The following ATP2A3 variants were observed in gnomAD, a reference collection of about 807,000 sequenced individuals.
The protein encoded by ATP2A3 is ATPase sarcoplasmic/endoplasmic reticulum Ca2+ transporting 3, also known as sarcoplasmic/endoplasmic reticulum calcium ATPase 3.
Under a neutral mutation model 106.8 loss-of-function variants are expected in ATP2A3, and 61 were observed. That is an observed-to-expected ratio of 0.57 (90% CI 0.46 to 0.71). The LOEUF is 0.71. Among genes scored for constraint, ATP2A3 ranks in the 30% least tolerant of loss-of-function variants. ATP2A3 has a pLI of 0.00. For missense variants in ATP2A3, 1,201 were observed against 1,423.5 expected, an observed-to-expected ratio of 0.84 and a Z score of 2.52; for synonymous variants, 611 against 609.3, an observed-to-expected ratio of 1.00 and a Z score of -0.04.
At position 3,953,675 on chromosome 17, in the gene ATP2A3, T is replaced by C. The variant is rs534520690; in HGVS notation, c.136+18A>G. 2 of 1,562,020 alleles carry C rather than the reference T, an allele frequency of 1.3e-6. No individual in the cohort carries two copies. The highest frequency in any genetic ancestry group is 2.7e-5 in the African/African-American group (2 of 73,626). The stretch of plus-strand genomic sequence containing the variant: ...ATGCTGCCCGCGGCCTAGAGGTCCA[T>C]CCCGGTGCCAGCCTCACCTTCCTCA... On this transcript the variant is annotated intron_variant, in intron 2 of 20. Coordinates refer to ENST00000397041, the MANE Select transcript of ATP2A3 (RefSeq NM_005173.4). The surrounding 1 kb of genome is among the most constrained non-coding windows in gnomAD (Gnocchi z 5.1).
chr17:3,943,253 C>G, intron 11 of ATP2A3, 138 bp downstream of exon 11: 1 of 1,367,434 alleles, frequency 7.3e-7, no homozygotes, highest in Non-Finnish European at 1.0e-6. Context: ...GCCTGGGCGA[C>G]AGAATGAGAC....
intron 10 of ATP2A3, among the ~76,000 whole-genome samples, chr17:3,944,352 C>T (rs1444693758): frequency 2.0e-5 from 3 of 151,992 alleles, no homozygotes; most frequent in Admixed American, 2.0e-4. Context: ...CACGTGAATG[C>T]CTAAGTCGCA....
At position 3,940,031 on chromosome 17, in the gene ATP2A3, C is replaced by CTTTTTTTTTTTTTTTTTTT. The variant is rs1174008086; in HGVS notation, c.2100+939_2100+940insAAAAAAAAAAAAAAAAAAA. 1.7e-4 allele frequency among the ~76,000 whole-genome samples: 16 copies of CTTTTTTTTTTTTTTTTTTT among 96,544 alleles called. 2 individuals carry two copies. Among genetic ancestry groups the CTTTTTTTTTTTTTTTTTTT allele is most frequent in the African/African-American group, 6.2e-4 (13 of 21,124 alleles). The allele number at this position is 96,544 out of a possible 152,430, so 63.3% of individuals were successfully genotyped here. On this transcript the variant is annotated intron_variant, in intron 14 of 20. Transcript: ENST00000397041. ...ATGGGTTGATGGTAATGTGTCATAT[C>CTTTTTTTTTTTTTTTTTTT]TTTTTTTTTTTGTTTTTTGTTTTTT...
intron 14 of ATP2A3, among the ~76,000 whole-genome samples, chr17:3,939,448 G>A (rs1459334308): frequency 2.6e-5 from 4 of 152,022 alleles, no homozygotes; most frequent in Non-Finnish European, 1.5e-5. Context: ...AAAGAGGAAT[G>A]GTTCAATAAA....
In ATP2A3 at chr17:3,942,624, G is replaced by A; in HGVS notation, c.1527C>T (p.Gly509=). Residue 509 remains glycine, a synonymous_variant, in exon 12 of 21, where the codon GGC becomes GGT. Transcript: ENST00000397041. ...TPTRPHPTGQ[G]SKMFVKGAPE... ...CCCCCACCTTCACAAACATCTTGCT[G>A]CCCTGGCCAGTAGGGTGAGGGCGGG... 4 of 1,612,148 alleles carry A rather than the reference G, an allele frequency of 2.5e-6. No homozygotes were observed. Among genetic ancestry groups the A allele is most frequent in the Non-Finnish European group, 3.4e-6 (4 of 1,179,812 alleles).
intron 12 of ATP2A3, 97 bp downstream of exon 12, chr17:3,942,509 T>C: frequency 1.3e-6 from 2 of 1,513,586 alleles, no homozygotes; most frequent in Non-Finnish European, 1.8e-6. Flanking sequence ...AACCCAACCC[T>C]GCCATTCACA....
In ATP2A3 at chr17:3,941,355, T is replaced by C. The variant is rs558613297; in HGVS notation, c.1765-49A>G. 109 of 1,613,150 alleles carry C rather than the reference T, an allele frequency of 6.8e-5. 1 individual carries two copies. The highest frequency in any genetic ancestry group is 9.2e-5 in the Non-Finnish European group (109 of 1,179,458). On this transcript the variant is annotated intron_variant, in intron 13 of 20. Transcript: ENST00000397041. The stretch of plus-strand genomic sequence containing the variant: ...GCGGGGCCTGAGCCCATCCCTGACC[T>C]ACCACCTGCTCAGCTGCTGCAGGGA...
At chr17:3,937,673 C>T in intron 14 of ATP2A3, 37 bp from the exon 15 acceptor site, 1 of 1,599,074 alleles carries the variant, frequency 6.3e-7, no homozygotes, top group South Asian at 1.1e-5. Context: ...GCCTGAGAAA[C>T]TTCCCTTCCA....
chr17:3,954,071 C>T (rs981233051), intron 1 of ATP2A3, among the ~76,000 whole-genome samples: 3 of 152,072 alleles, frequency 2.0e-5, no homozygotes, highest in Non-Finnish European at 2.9e-5. Context: ...CCAGGTCACA[C>T]GGAGAGTGGG....
At position 3,928,860 on chromosome 17, in the gene ATP2A3, C is replaced by T. The variant is rs2052871664; in HGVS notation, c.2863-80G>A. 4.3e-6 allele frequency: 5 copies of T among 1,149,868 alleles called. No homozygotes were observed. The highest frequency in any genetic ancestry group is 2.0e-5 in the Admixed American group (1 of 49,576). The allele number at this position is 1,149,868 out of a possible 1,614,324, so 71.2% of individuals were successfully genotyped here. A position where few individuals can be genotyped will look rare whatever the true frequency, so the allele number is the denominator to read the frequency against. ...CCCAGCCATCTGCTGGCCTTATCCA[C>T]CTGGGCTCTGATGGACTCTTCATGA... On this transcript the variant is annotated intron_variant, in intron 19 of 20. Coordinates refer to ENST00000397041, the MANE Select transcript of ATP2A3 (RefSeq NM_005173.4). This position sits in a 1 kb window ranked among gnomAD's most constrained non-coding sequence, Gnocchi z 6.1.
At chr17:3,957,850 C>T (rs937401591) in intron 1 of ATP2A3, among the ~76,000 whole-genome samples, 3 of 152,218 alleles carry the variant, frequency 2.0e-5, no homozygotes, top group African/African-American at 7.2e-5. Context: ...CAGTGCCATC[C>T]GCTGGGCTGC....
chr17:3,946,321 G>T (rs1441324554), intron 8 of ATP2A3, among the ~76,000 whole-genome samples: 1 of 151,964 alleles, frequency 6.6e-6, no homozygotes, highest in Non-Finnish European at 1.5e-5. Context: ...GGAGGCCAAG[G>T]CGGGTGGATC....
In ATP2A3 at chr17:3,953,038, C is replaced by G. The variant is rs1350571366; in HGVS notation, c.219+309G>C. Among the ~76,000 whole-genome samples the G allele has an allele frequency of 1.3e-5, 2 of 152,188 alleles. No individual in the cohort carries two copies. Among genetic ancestry groups the G allele is most frequent in the African/African-American group, 4.8e-5 (2 of 41,442 alleles). On this transcript the variant is annotated intron_variant, in intron 3 of 20. Transcript: ENST00000397041. This position sits in a 1 kb window ranked among gnomAD's most constrained non-coding sequence, Gnocchi z 5.1. ...GATCTGGTCTAAACTATCAGTAGTG[C>G]TGAGGCAGAGAAACCCTAGGGTACA...
chr17:3,927,529 C>T (rs1325881494), intron 20 of ATP2A3: 1 of 985,294 alleles, frequency 1.0e-6, no homozygotes, highest in African/African-American at 1.7e-5. Context: ...GGCGGACCGG[C>T]CCGGTGCTCC....
intron 20 of ATP2A3, chr17:3,927,578 GT>G: frequency 6.1e-6 from 6 of 985,438 alleles, no homozygotes; most frequent in Non-Finnish European, 7.2e-6. Flanking sequence ...ATGGATGGGA[GT>G]TTCCAGTGTC....
intron 5 of ATP2A3, 92 bp from the exon 6 acceptor site, chr17:3,950,865 G>T: frequency 7.7e-7 from 1 of 1,290,474 alleles, no homozygotes; most frequent in African/African-American, 1.5e-5. Flanking sequence ...GGCTGGGGCT[G>T]GGCGTCGGGT....
intron 17 of ATP2A3, among the ~76,000 whole-genome samples, chr17:3,931,295 G>A (rs373338661): frequency 4.6e-5 from 7 of 152,096 alleles, no homozygotes; most frequent in Admixed American, 1.3e-4. Flanking sequence ...AACATGAAGC[G>A]CTCAGGGCTG....
rs148819565 is a variant in ATP2A3 at position 3,936,987 on chromosome 17, G to A, written c.2321+429C>T. 10 of 327,066 alleles carry A rather than the reference G, an allele frequency of 3.1e-5. No individual in the cohort carries two copies. Among genetic ancestry groups the A allele is most frequent in the African/African-American group, 1.5e-4 (7 of 46,804 alleles). The allele number at this position is 327,066 out of a possible 1,614,324, so 20.3% of individuals were successfully genotyped here. On this transcript the variant is annotated intron_variant, in intron 15 of 20. Transcript: ENST00000397041. The surrounding 1 kb of genome is among the most constrained non-coding windows in gnomAD (Gnocchi z 5.4). ...CACAAATCCTTCTGCTTGTACTCACGCTCAAAATGCACCAGAGCACACATG... is the reference window on the plus strand; with the variant it reads ...CACAAATCCTTCTGCTTGTACTCACACTCAAAATGCACCAGAGCACACATG...
chr17:3,933,580 C>CA lies in ATP2A3; in HGVS notation c.2610+1611dup, dbSNP rs796816999. On this transcript the variant is annotated intron_variant, in intron 17 of 20. Coordinates refer to ENST00000397041, the MANE Select transcript of ATP2A3 (RefSeq NM_005173.4). ...GTGAAACCCTGTCTCTACTAAAATA[C>CA]AAAAAATTAGCCGGGCATGGTGGTG... Among the ~76,000 whole-genome samples, 11 of 150,332 alleles carry CA rather than the reference C, an allele frequency of 7.3e-5. 1 individual carries two copies. The highest frequency in any genetic ancestry group is 2.7e-4 in the African/African-American group (11 of 40,326).
Sources: gnomAD v4.1 joint callset for allele counts (sites outside exome capture counted in the v4.1 genomes callset) on GRCh38, gnomAD v4.1.1 for gene constraint, Gnocchi (gnomAD v3.1) non-coding constraint, MANE v1.5 for transcripts, NCBI Gene and HGNC (gene_info 2026-07-23, HGNC 2026-07-21) for gene names.